Variants in ROBO2 observed in about 807,000 individuals in gnomAD.
ROBO2 encodes roundabout guidance receptor 2, also known as roundabout homolog 2.
A neutral mutation model predicts 160.8 loss-of-function variants in ROBO2; 53 were observed. The ratio of observed to expected loss-of-function variants is 0.33; its 90% CI spans 0.26 to 0.41. The LOEUF is 0.41. ROBO2 is among the 10% of genes least tolerant of loss of function. The pLI is 1.00. For missense variants in ROBO2, 1,577 were observed against 1,722.4 expected, an observed-to-expected ratio of 0.92 and a Z score of 1.49; for synonymous variants, 664 against 611.7, an observed-to-expected ratio of 1.09 and a Z score of -1.26.
At chr3:76,117,926 A>G (rs1264826493) in intron 2 of ROBO2, among the ~76,000 whole-genome samples, 1 of 152,174 alleles carries the variant, frequency 6.6e-6, no homozygotes, top group African/African-American at 2.4e-5. Flanking sequence ...AGGTAGCAAG[A>G]AAGAGCAACA....
In ROBO2 at chr3:76,111,011, T is replaced by C. The variant is rs143299786; in HGVS notation, c.109+173409T>C. On this transcript the variant is annotated intron_variant, in intron 2 of 26. Coordinates refer to the ROBO2 transcript ENST00000487694. ...TTTTGGCCTGCCTAGTGTTAATGGT[T>C]TTATTTTGTCTTCCAAAATGATACG... Among the ~76,000 whole-genome samples the C allele has an allele frequency of 2.0e-3, 299 of 152,264 alleles. 1 individual carries two copies. The highest frequency in any genetic ancestry group is 6.6e-3 in the African/African-American group (274 of 41,556).
rs184080216 is a variant in ROBO2 at position 77,481,191 on chromosome 3, C to T, written c.639C>T (p.Asp213=). 2.5e-6 allele frequency: 4 copies of T among 1,602,136 alleles called. No individual in the cohort carries two copies. The African/African-American group carries it at 4.0e-5, about 16-fold the overall frequency. ...GTACCAATATGGTGGGAGAAAGGGA[C>T]AGTGACCCAGCAGAGCTGACTGTCT... is the stretch of plus-strand genomic sequence containing the variant. Residue 213 remains aspartate, a synonymous_variant, in exon 4 of 26, where the codon GAC becomes GAT. Coordinates refer to ENST00000461745, the Ensembl canonical transcript of ROBO2.
chr3:76,948,713 T>A (rs1465720806), intron 2 of ROBO2, among the ~76,000 whole-genome samples: 2 of 136,116 alleles, frequency 1.5e-5, no homozygotes, highest in African/African-American at 5.3e-5. Context: ...TATAATTTAA[T>A]TTTTTTTTTT....
chr3:76,832,393 T>C (rs2067168105), intron 2 of ROBO2, among the ~76,000 whole-genome samples: 1 of 152,158 alleles, frequency 6.6e-6, no homozygotes, highest in Non-Finnish European at 1.5e-5. Context: ...GCCTTCGTCT[T>C]TGCCCTCAAG....
chr3:76,005,252 A>C (rs2065989056), intron 2 of ROBO2, among the ~76,000 whole-genome samples: 1 of 152,208 alleles, frequency 6.6e-6, no homozygotes, highest in Non-Finnish European at 1.5e-5. Flanking sequence ...AACATTCACC[A>C]CAATAAAAGG....
intron 2 of ROBO2, among the ~76,000 whole-genome samples, chr3:77,018,723 A>T (rs2062436658): frequency 6.6e-6 from 1 of 152,198 alleles, no homozygotes; most frequent in African/African-American, 2.4e-5. Context: ...GAAAGAAAAA[A>T]TGGTTTGCAA....
At chr3:76,368,818 C>A (rs1406837669) in intron 2 of ROBO2, among the ~76,000 whole-genome samples, 1 of 151,902 alleles carries the variant, frequency 6.6e-6, no homozygotes, top group African/African-American at 2.4e-5. Flanking sequence ...GCAGGAATTC[C>A]AATTGAGACT....
chr3:76,191,644 G>T (rs1252476194), intron 2 of ROBO2, among the ~76,000 whole-genome samples: 1 of 151,870 alleles, frequency 6.6e-6, no homozygotes, highest in Non-Finnish European at 1.5e-5. Context: ...TGATTTTTCT[G>T]CAGGAGAATA....
At chr3:77,142,099 C>T (rs552296360) in intron 2 of ROBO2, among the ~76,000 whole-genome samples, 32 of 152,312 alleles carry the variant, frequency 2.1e-4, no homozygotes, top group African/African-American at 6.5e-4. Flanking sequence ...TTCTCTCTCT[C>T]TCTCTTTCCT....
intron 2 of ROBO2, among the ~76,000 whole-genome samples, chr3:76,011,645 G>A (rs959331131): frequency 6.6e-6 from 1 of 152,174 alleles, no homozygotes; most frequent in Admixed American, 6.6e-5. Context: ...AAATATAGGG[G>A]AAGAGGGAGG....
intron 2 of ROBO2, among the ~76,000 whole-genome samples, chr3:77,415,919 C>G (rs181714364): frequency 1.1e-3 from 169 of 152,300 alleles, no homozygotes; most frequent in Non-Finnish European, 1.3e-3. Flanking sequence ...CAGCCCATAG[C>G]TCAGCAAATG....
intron 2 of ROBO2, among the ~76,000 whole-genome samples, chr3:76,169,667 A>G (rs1351355146): frequency 2.6e-5 from 4 of 152,190 alleles, no homozygotes; most frequent in African/African-American, 9.7e-5. Flanking sequence ...ATAAATAATC[A>G]TTGATAATAA....
At chr3:76,035,464 G>A (rs2067075434) in intron 2 of ROBO2, among the ~76,000 whole-genome samples, 1 of 151,826 alleles carries the variant, frequency 6.6e-6, no homozygotes, top group South Asian at 2.1e-4. Context: ...ATGATTAGAA[G>A]GTGACTGTGA....
At chr3:76,759,842 G>T (rs1425610355) in intron 2 of ROBO2, among the ~76,000 whole-genome samples, 1 of 151,680 alleles carries the variant, frequency 6.6e-6, no homozygotes, top group East Asian at 2.0e-4. Context: ...GAGCCGGTGG[G>T]ATTCCCAGGT....
intron 2 of ROBO2, among the ~76,000 whole-genome samples, chr3:77,146,402 G>A (rs2077124224): frequency 6.6e-6 from 1 of 152,154 alleles, no homozygotes; most frequent in South Asian, 2.1e-4. Flanking sequence ...GATGAAAGAT[G>A]AGTATTCTCC....
intron 1 of ROBO2, among the ~76,000 whole-genome samples, chr3:75,915,850 A>T (rs1159815545): frequency 6.6e-6 from 1 of 152,176 alleles, no homozygotes; most frequent in East Asian, 1.9e-4. Context: ...TTTCTTGTAT[A>T]ATTACATAGT....
rs1015505697 is a variant in ROBO2, at chr3:76,835,436, T to C, written c.110-262578T>C. ...AATATATATAATATATACAAACATA[T>C]AATGTAATACATTATATGTTTGCAC... On this transcript the variant is annotated intron_variant, in intron 2 of 26. Coordinates refer to the ROBO2 transcript ENST00000487694. Among the ~76,000 whole-genome samples, 4 of 147,502 alleles carry C rather than the reference T, an allele frequency of 2.7e-5. No homozygotes were observed. The South Asian group carries it at 6.3e-4, about 23-fold the overall frequency.
intron 2 of ROBO2, among the ~76,000 whole-genome samples, chr3:76,643,800 C>A (rs1193568624): frequency 6.6e-6 from 1 of 152,026 alleles, no homozygotes; most frequent in African/African-American, 2.4e-5. Flanking sequence ...TTATGGCTGT[C>A]CTGGGCCCAA....
chr3:76,052,816 T>C (rs985287375), intron 2 of ROBO2, among the ~76,000 whole-genome samples: 1 of 152,060 alleles, frequency 6.6e-6, no homozygotes, highest in Non-Finnish European at 1.5e-5. Context: ...TTTGTAAAGC[T>C]CATTCTGTAT....
Sources: allele counts gnomAD v4.1 joint callset (sites outside exome capture counted in the v4.1 genomes callset), GRCh38; gene constraint gnomAD v4.1.1; transcripts MANE v1.5; gene names NCBI Gene and HGNC (gene_info 2026-07-23, HGNC 2026-07-21).